Variants in SLIT1 observed in about 807,000 individuals in gnomAD.
SLIT1 encodes slit guidance ligand 1, also known as slit homolog 1 protein.
In SLIT1, 66 loss-of-function variants were observed where a neutral mutation model predicts 186.1. That is an observed-to-expected ratio of 0.35 (90% CI 0.29 to 0.44). The LOEUF (loss-of-function observed/expected upper bound fraction) is 0.44, where lower values mean the gene tolerates loss of function less well. SLIT1 is among the 20% of genes least tolerant of loss of function. The pLI is 1.00. For missense variants in SLIT1, 1,638 were observed against 2,037.4 expected, an observed-to-expected ratio of 0.80 and a Z score of 3.77; for synonymous variants, 761 against 833.8, an observed-to-expected ratio of 0.91 and a Z score of 1.50.
At chr10:97,031,748 G>T in intron 23 of SLIT1, 71 bp from the exon 24 acceptor site, 2 of 1,228,732 alleles carry the variant, frequency 1.6e-6, no homozygotes, top group Non-Finnish European at 2.3e-6. Context: ...CCGCCGCCCA[G>T]GACGTGGAGG....
intron 25 of SLIT1, among the ~76,000 whole-genome samples, chr10:97,024,106 G>A (rs757056734): frequency 1.3e-5 from 2 of 152,144 alleles, no homozygotes; most frequent in Non-Finnish European, 2.9e-5. Context: ...GCTAAATAAC[G>A]TGAATGAGAA....
intron 1 of SLIT1, among the ~76,000 whole-genome samples, chr10:97,171,780 G>C (rs1353600785): frequency 6.6e-6 from 1 of 151,428 alleles, no homozygotes; most frequent in Non-Finnish European, 1.5e-5. Flanking sequence ...GATCGTGCCA[G>C]TGCACTCCAG....
intron 1 of SLIT1, among the ~76,000 whole-genome samples, chr10:97,169,302 T>A (rs1311455432): frequency 1.3e-5 from 2 of 152,116 alleles, no homozygotes; most frequent in African/African-American, 4.8e-5. Context: ...GCCTGTGAGC[T>A]CTCACTAAGC....
chr10:97,083,256 A>G (rs1395912750), intron 4 of SLIT1, among the ~76,000 whole-genome samples: 2 of 152,104 alleles, frequency 1.3e-5, no homozygotes, highest in East Asian at 3.8e-4. Flanking sequence ...TATTAAAAGT[A>G]CTCTGATCAT....
rs1850073037 is a variant in SLIT1, at chr10:97,164,294, C to T, written c.269+525G>A. Among the ~76,000 whole-genome samples the T allele has an allele frequency of 1.3e-5, 2 of 152,198 alleles. 1 individual carries two copies. Among genetic ancestry groups the T allele is most frequent in the South Asian group, 4.1e-4 (2 of 4,832 alleles). On this transcript the variant is annotated intron_variant, in intron 2 of 36. Coordinates refer to ENST00000266058, the MANE Select transcript of SLIT1 (RefSeq NM_003061.3). The stretch of plus-strand genomic sequence containing the variant: ...GTTGGGGGCAGGGCAGGGGGGGGAA[C>T]CGCCACCAGATATTTCTCTTTCTCT...
chr10:97,128,137 T>G (rs752480995), intron 4 of SLIT1, among the ~76,000 whole-genome samples: 3 of 151,938 alleles, frequency 2.0e-5, no homozygotes, highest in Non-Finnish European at 4.4e-5. Flanking sequence ...CTCTTGTAAG[T>G]GAGGCTGGCC....
At chr10:97,120,830 T>C (rs1849554342) in intron 4 of SLIT1, among the ~76,000 whole-genome samples, 1 of 152,126 alleles carries the variant, frequency 6.6e-6, no homozygotes. Flanking sequence ...GGACTCTGAC[T>C]CTCTCTCCCT....
rs778403336 is a variant in SLIT1, at chr10:97,066,045, G to A, written c.455C>T (p.Ala152Val). ...TTTAAGGTCCGTAGCTCCCCGAAAA[G>A]CTTTCCTGGGGATGGCCTGGATGGC... ...ENAIQAIPRK[A>V]FRGATDLKNL... The change falls in exon 5 of 37, where the codon GCT becomes GTT. Residue 152 changes from alanine to valine, a missense_variant. This residue lies in a region of SLIT1 where 1,245 missense variants were observed against 1,535.3 expected (regional missense o/e 0.81). Transcript: ENST00000266058. The A allele has an allele frequency of 7.5e-6, 12 of 1,606,354 alleles. No individual in the cohort carries two copies. In the African/African-American group the frequency reaches 1.5e-4, roughly 20 times the overall value.
intron 4 of SLIT1, among the ~76,000 whole-genome samples, chr10:97,148,445 T>C (rs2784928): frequency 0.83 from 126,715 of 151,960 alleles, 52,913 homozygotes; most frequent in Admixed American, 0.87. Context: ...CACATCACCA[T>C]GCCTAGCTAT....
chr10:97,106,906 G>A (rs996821277), intron 4 of SLIT1, among the ~76,000 whole-genome samples: 17 of 152,218 alleles, frequency 1.1e-4, no homozygotes, highest in East Asian at 5.8e-4. Context: ...CATCTGCAGC[G>A]ACACGCATCC....
intron 18 of SLIT1, among the ~76,000 whole-genome samples, 193 bp downstream of exon 18, chr10:97,046,461 A>G (rs1338071835): frequency 2.6e-5 from 4 of 152,226 alleles, no homozygotes; most frequent in Non-Finnish European, 5.9e-5. Context: ...GCCCCAGGGT[A>G]CAAGAGAACA....
At chr10:97,141,687 G>GTATCA (rs1211463497) in intron 4 of SLIT1, among the ~76,000 whole-genome samples, 2 of 100,332 alleles carry the variant, frequency 2.0e-5, no homozygotes, top group Non-Finnish European at 3.8e-5. Flanking sequence ...GTATTGTATC[G>GTATCA]TATCGTATCG....
chr10:97,092,445 G>A (rs1194197917), intron 4 of SLIT1, among the ~76,000 whole-genome samples: 1 of 152,216 alleles, frequency 6.6e-6, no homozygotes, highest in East Asian at 1.9e-4. Context: ...AGCCTTTGGG[G>A]TATCTCATAG....
rs199794015 is a variant in SLIT1, at chr10:97,004,135, G to T, written c.3798C>A (p.Ser1266Arg). ...QMVNLSIDGG[S>R]PMTMDNFGKH... ...TGCCAAAGTTGTCCATGGTCATGGG[G>T]CTCCCGCCATCAATGGAGAGATTCA... The change falls in exon 34 of 37, where the codon AGC (serine) becomes AGA (arginine). Residue 1266 changes from serine (S) to arginine (R), a missense_variant. Around this residue, in one of 3 missense-constraint regions of SLIT1, gnomAD observed 173 missense variants for 290.9 expected, o/e 0.59. Coordinates refer to ENST00000266058, the MANE Select transcript of SLIT1 (RefSeq NM_003061.3). The surrounding 1 kb of genome is among the most constrained non-coding windows in gnomAD (Gnocchi z 5.1). 24 of 1,613,848 alleles carry T rather than the reference G, an allele frequency of 1.5e-5. No homozygotes were observed.
At chr10:97,163,659 G>A (rs952754498) in intron 2 of SLIT1, among the ~76,000 whole-genome samples, 7 of 152,192 alleles carry the variant, frequency 4.6e-5, no homozygotes, top group African/African-American at 1.4e-4. Flanking sequence ...CCCACCATGG[G>A]CTCCTCAGGG....
intron 20 of SLIT1, among the ~76,000 whole-genome samples, chr10:97,042,343 T>C (rs1054909255): frequency 6.6e-6 from 1 of 152,176 alleles, no homozygotes; most frequent in African/African-American, 2.4e-5. Flanking sequence ...ATGGGATGGC[T>C]GCACAGAGAA....
chr10:97,157,329 A>T (rs1849964798), intron 4 of SLIT1: 2 of 154,160 alleles, frequency 1.3e-5, no homozygotes, highest in African/African-American at 4.8e-5. Flanking sequence ...AAGTACATTG[A>T]CAATACATAA....
At chr10:97,064,030 A>C in intron 7 of SLIT1, 138 bp downstream of exon 7, 1 of 715,446 alleles carries the variant, frequency 1.4e-6, no homozygotes, top group Non-Finnish European at 2.4e-6. Context: ...TGAAGCCCCC[A>C]GCCTGGGCTG....
chr10:97,076,529 T>G (rs1849047531), intron 4 of SLIT1, among the ~76,000 whole-genome samples: 1 of 152,170 alleles, frequency 6.6e-6, no homozygotes, highest in Non-Finnish European at 1.5e-5. Context: ...CCTCCCTGCC[T>G]GCTCTCTCCA....
Sources: allele counts gnomAD v4.1 joint callset (sites outside exome capture counted in the v4.1 genomes callset), GRCh38; gene constraint gnomAD v4.1.1; regional missense constraint gnomAD v4.1.1; non-coding constraint Gnocchi (gnomAD v3.1); transcripts MANE v1.5; gene names NCBI Gene and HGNC (gene_info 2026-07-23, HGNC 2026-07-21).